The following RERE variants were observed in gnomAD, a reference collection of about 807,000 sequenced individuals.
The protein encoded by RERE is arginine-glutamic acid dipeptide repeats, also known as arginine-glutamic acid dipeptide repeats protein.
RERE carries 40 observed loss-of-function variants against 146.1 expected under a neutral mutation model. That is an observed-to-expected ratio of 0.27 (90% CI 0.21 to 0.36). RERE has a LOEUF of 0.36. Among genes scored for constraint, RERE ranks in the 10% least tolerant of loss-of-function variants. The pLI, the probability that RERE is intolerant of heterozygous loss-of-function variation, is 1.00. For missense variants in RERE, 1,933 were observed against 2,138.7 expected (o/e 0.90, Z 1.90); for synonymous variants, 1,003 against 866.0 (o/e 1.16, Z -2.78).
intron 4 of RERE, among the ~76,000 whole-genome samples, chr1:8,587,516 C>CT (rs1206893447): frequency 6.6e-6 from 1 of 152,232 alleles, no homozygotes; most frequent in East Asian, 1.9e-4. Context: ...ACCACTAACT[C>CT]TAACAGCATT....
intron 1 of RERE, among the ~76,000 whole-genome samples, chr1:8,675,174 C>CT (rs1638805874): frequency 6.6e-6 from 1 of 152,166 alleles, no homozygotes; most frequent in Non-Finnish European, 1.5e-5. Context: ...AACAATATGA[C>CT]TAACTGCCTA....
At chr1:8,710,077 T>A (rs984987737) in intron 1 of RERE, among the ~76,000 whole-genome samples, 25 of 152,220 alleles carry the variant, frequency 1.6e-4, no homozygotes, top group African/African-American at 5.8e-4. Flanking sequence ...CCATCTCACA[T>A]CAGTGAAAAG....
At chr1:8,476,151 G>C (rs1259520692) in intron 10 of RERE, among the ~76,000 whole-genome samples, 1 of 152,234 alleles carries the variant, frequency 6.6e-6, no homozygotes, top group Non-Finnish European at 1.5e-5. Context: ...GCAGTGCACA[G>C]TGTGCTAGGA....
At chr1:8,455,253 T>A (rs1385153250) in intron 11 of RERE, among the ~76,000 whole-genome samples, 1 of 152,112 alleles carries the variant, frequency 6.6e-6, no homozygotes, top group Non-Finnish European at 1.5e-5. Context: ...TTATTTTTTA[T>A]TTTTTAGAGA....
At chr1:8,502,875 G>C (rs889168765) in intron 8 of RERE, among the ~76,000 whole-genome samples, 8 of 150,334 alleles carry the variant, frequency 5.3e-5, no homozygotes, top group Admixed American at 1.3e-4. Flanking sequence ...TTGTTAAACA[G>C]ATGCTTGAAG....
At position 8,805,008 on chromosome 1, in the gene RERE, GTTTTTTTT is replaced by G. The variant is rs1186832596; in HGVS notation, c.-145+12144_-145+12151del. 1.2e-4 allele frequency among the ~76,000 whole-genome samples: 9 copies of G among 77,836 alleles called. 1 individual carries two copies. The South Asian group carries it at 3.3e-3, about 28-fold the overall frequency. 51.1% of individuals were successfully genotyped at this position (77,836 alleles called of 152,430 possible). Reference sequence around the variant, plus strand: ...TTTTTTTTGTTTTGTTTTGTTTTTGGTTTTTTTTTTTTTTTTTTTTGAGACAGAGTCTT... The same window carrying G: ...TTTTTTTTGTTTTGTTTTGTTTTTGGTTTTTTTTTTTTGAGACAGAGTCTT... On this transcript the variant is annotated intron_variant, in intron 1 of 22. Transcript: ENST00000400908.
intron 11 of RERE, among the ~76,000 whole-genome samples, chr1:8,435,436 C>T (rs1266192753): frequency 6.6e-6 from 1 of 152,228 alleles, no homozygotes; most frequent in Non-Finnish European, 1.5e-5. Flanking sequence ...GACCTCTCAT[C>T]ACCTGTTCTC....
intron 4 of RERE, among the ~76,000 whole-genome samples, chr1:8,579,437 G>T (rs549009925): frequency 1.3e-5 from 2 of 152,278 alleles, no homozygotes; most frequent in South Asian, 2.1e-4. Flanking sequence ...TACCATCAAT[G>T]TTATGTCAGA....
chr1:8,509,291 G>A (rs1476321432), intron 7 of RERE, among the ~76,000 whole-genome samples: 1 of 151,958 alleles, frequency 6.6e-6, no homozygotes, highest in East Asian at 1.9e-4. Context: ...GGACATTCCT[G>A]TAGTACAATT....
At position 8,353,509 on chromosome 1, in the gene RERE, G is replaced by A. The variant is rs780494584; in HGVS notation, c.*1578C>T. ...GGCAGAAGAGACCTCCAGTGTCTGAGAGAAAAGGATCGGAAGAGGCCACGT... is the reference window on the plus strand; with the variant it reads ...GGCAGAAGAGACCTCCAGTGTCTGAAAGAAAAGGATCGGAAGAGGCCACGT... On this transcript the variant is annotated 3_prime_UTR_variant, in exon 23 of 23. Transcript: ENST00000400908. 1 of 152,430 alleles carries A rather than the reference G, an allele frequency of 6.6e-6. No individual in the cohort carries two copies. The highest frequency in any genetic ancestry group is 1.9e-4 in the East Asian group (1 of 5,192). The allele number at this position is 152,430 out of a possible 1,614,324, so 9.4% of individuals were successfully genotyped here. A position where few individuals can be genotyped will look rare whatever the true frequency, so the allele number is the denominator to read the frequency against.
At chr1:8,465,795 T>C (rs767881879) in intron 11 of RERE, 130 bp downstream of exon 11, 13 of 750,764 alleles carry the variant, frequency 1.7e-5, no homozygotes, top group Non-Finnish European at 2.8e-5. Context: ...TCCTCCTGCC[T>C]GGCGCTGCCA....
chr1:8,661,733 G>A (rs1345516305), intron 1 of RERE, among the ~76,000 whole-genome samples: 2 of 152,190 alleles, frequency 1.3e-5, no homozygotes, highest in Non-Finnish European at 2.9e-5. Flanking sequence ...TGAGTTTCAT[G>A]GGGAGACCAG....
At chr1:8,482,333 A>G (rs1282584272) in intron 10 of RERE, among the ~76,000 whole-genome samples, 2 of 152,196 alleles carry the variant, frequency 1.3e-5, no homozygotes, top group African/African-American at 4.8e-5. Context: ...ATAAAGCTAC[A>G]TATTATCTAA....
intron 4 of RERE, among the ~76,000 whole-genome samples, chr1:8,569,803 G>A (rs1244545360): frequency 6.6e-6 from 1 of 151,638 alleles, no homozygotes; most frequent in East Asian, 1.9e-4. Context: ...GAGGCGGTAG[G>A]ATCTCCTGAG....
At chr1:8,662,312 C>G (rs1638473582) in intron 1 of RERE, among the ~76,000 whole-genome samples, 1 of 152,210 alleles carries the variant, frequency 6.6e-6, no homozygotes, top group Non-Finnish European at 1.5e-5. Flanking sequence ...TCTCACACTA[C>G]TTCTCAAAAC....
At chr1:8,715,127 C>A (rs1569616398) in intron 1 of RERE, among the ~76,000 whole-genome samples, 1 of 152,004 alleles carries the variant, frequency 6.6e-6, no homozygotes, top group Non-Finnish European at 1.5e-5. Context: ...CCGTCCTGGC[C>A]TCCCAAAGTG....
intron 6 of RERE, among the ~76,000 whole-genome samples, chr1:8,545,276 A>G (rs916447091): frequency 2.6e-5 from 4 of 152,244 alleles, no homozygotes; most frequent in Non-Finnish European, 4.4e-5. Context: ...TTCATTCAAC[A>G]GTAAAAAAGG....
At chr1:8,386,012 ATATATATATATTTTTTTTT>A (rs1185502319) in intron 12 of RERE, among the ~76,000 whole-genome samples, 62 of 44,736 alleles carry the variant, frequency 1.4e-3, no homozygotes, top group African/African-American at 5.6e-3. Context: ...ATATATATAT[ATATATATATATTTTTTTTT>A]TTTTTTTTTT....
At chr1:8,706,709 G>T (rs1304433452) in intron 1 of RERE, among the ~76,000 whole-genome samples, 1 of 152,056 alleles carries the variant, frequency 6.6e-6, no homozygotes, top group Non-Finnish European at 1.5e-5. Context: ...TTATTTTCAG[G>T]TTTTTTTCTC....
Sources: allele counts gnomAD v4.1 joint callset (sites outside exome capture counted in the v4.1 genomes callset), GRCh38; gene constraint gnomAD v4.1.1; transcripts MANE v1.5; gene names NCBI Gene and HGNC (gene_info 2026-07-23, HGNC 2026-07-21).